TRIM54: variants seen among roughly 807,000 people sequenced by gnomAD.
TRIM54 encodes the protein tripartite motif containing 54, also known as tripartite motif-containing protein 54.
A neutral mutation model predicts 42.0 loss-of-function variants in TRIM54; 40 were observed. The observed-to-expected ratio is 0.95, with a 90% CI of 0.74 to 1.24. The LOEUF (loss-of-function observed/expected upper bound fraction) is 1.24, where lower values mean the gene tolerates loss of function less well. TRIM54 is among the 50% of genes most tolerant of loss of function. TRIM54 has a pLI of 0.00. For missense variants in TRIM54, 485 were observed against 480.3 expected, an observed-to-expected ratio of 1.01 and a Z score of -0.09; for synonymous variants, 199 against 194.9, an observed-to-expected ratio of 1.02 and a Z score of -0.17.
chr2:27,306,244 G>A lies in TRIM54; in HGVS notation c.898G>A (p.Gly300Arg). ...GGCCATGTCGAAGGTGGAGCTGGCA[G>A]GGCGGCCGGAGCCAGGCTATGAGAG... is the stretch of plus-strand genomic sequence containing the variant. ...VGAMSKVELAGRPEPGYESME... is the reference protein window; with the variant it reads ...VGAMSKVELARRPEPGYESME... Residue 300 changes from glycine (G) to arginine (R), a missense_variant, in exon 7 of 9, where the codon GGG becomes AGG. Physicochemically the swap from Gly to Arg is moderately radical, Grantham distance 125. Transcript: ENST00000380075. This position sits in a 1 kb window ranked among gnomAD's most constrained non-coding sequence, Gnocchi z 6.1. 1 of 1,614,118 alleles carries A rather than the reference G, an allele frequency of 6.2e-7. No homozygotes were observed. The highest frequency in any genetic ancestry group is 1.1e-5 in the South Asian group (1 of 91,088).
chr2:27,305,926 C>A, intron 5 of TRIM54, 109 bp downstream of exon 5: 1 of 1,366,136 alleles, frequency 7.3e-7, no homozygotes, highest in Non-Finnish European at 1.0e-6. Flanking sequence ...GCCCCTACGA[C>A]CTTGGGCAAG....
intron 4 of TRIM54, 73 bp downstream of exon 4, chr2:27,305,127 C>T (rs1679158355): frequency 4.4e-6 from 6 of 1,352,650 alleles, no homozygotes; most frequent in African/African-American, 1.4e-5. Context: ...AAGAGAACTG[C>T]TCCTCTCTGA....
chr2:27,302,311 C>T (rs1210454887), intron 3 of TRIM54, among the ~76,000 whole-genome samples: 2 of 147,800 alleles, frequency 1.4e-5, no homozygotes, highest in Non-Finnish European at 1.5e-5. Flanking sequence ...CTTAGCCGGG[C>T]GTGGTGGCAG....
At chr2:27,300,630 A>G (rs955155190) in intron 3 of TRIM54, among the ~76,000 whole-genome samples, 2 of 152,204 alleles carry the variant, frequency 1.3e-5, no homozygotes, top group South Asian at 4.1e-4. Flanking sequence ...AATACTTTAG[A>G]AGAGCGAGGC....
intron 1 of TRIM54, among the ~76,000 whole-genome samples, chr2:27,284,620 A>G (rs536048913): frequency 6.6e-6 from 1 of 151,514 alleles, no homozygotes; most frequent in East Asian, 2.0e-4. Flanking sequence ...TGCTTTGCCC[A>G]CCATCTTGGT....
chr2:27,306,845 C>T lies in TRIM54; in HGVS notation c.*2-42C>T. On this transcript the variant is annotated intron_variant, in intron 8 of 8. Transcript: ENST00000380075. The surrounding 1 kb of genome is among the most constrained non-coding windows in gnomAD (Gnocchi z 6.1). ...GAGCGGGGCTCGAGCTGCCTCGTGCCTTCGCAGCACCCGCCCACCGAGCCT... is the reference window on the plus strand; with the variant it reads ...GAGCGGGGCTCGAGCTGCCTCGTGCTTTCGCAGCACCCGCCCACCGAGCCT... 2 of 467,992 alleles carry T rather than the reference C, an allele frequency of 4.3e-6. No homozygotes were observed. The highest frequency in any genetic ancestry group is 3.8e-6 in the Non-Finnish European group (1 of 262,884). 29.0% of individuals were successfully genotyped at this position (467,992 alleles called of 1,614,324 possible). A position where few individuals can be genotyped will look rare whatever the true frequency, so the allele number is the denominator to read the frequency against.
At chr2:27,303,961 C>G (rs1240575436) in intron 3 of TRIM54, among the ~76,000 whole-genome samples, 2 of 152,110 alleles carry the variant, frequency 1.3e-5, no homozygotes, top group East Asian at 3.9e-4. Context: ...GCCGGTAATC[C>G]CGACACTTTG....
intron 1 of TRIM54, among the ~76,000 whole-genome samples, chr2:27,284,057 C>CA (rs1266081680): frequency 2.6e-5 from 4 of 152,084 alleles, no homozygotes; most frequent in African/African-American, 9.7e-5. Flanking sequence ...CACTTGAACC[C>CA]AGGAGGTGGA....
At chr2:27,301,316 T>G (rs1434763303) in intron 3 of TRIM54, among the ~76,000 whole-genome samples, 1 of 152,070 alleles carries the variant, frequency 6.6e-6, no homozygotes, top group Non-Finnish European at 1.5e-5. Context: ...ATTTTTGTAT[T>G]TTTAATAGAG....
At chr2:27,283,561 A>G (rs761556656) in intron 1 of TRIM54, among the ~76,000 whole-genome samples, 5 of 152,128 alleles carry the variant, frequency 3.3e-5, no homozygotes, top group Non-Finnish European at 7.3e-5. Context: ...TCAGAAGTCC[A>G]GCCAGTTTTG....
chr2:27,282,767 G>A lies in TRIM54; in HGVS notation c.36G>A (p.Gly12=). Residue 12 remains glycine, a synonymous_variant, in exon 1 of 9, where the codon GGG becomes GGA. Transcript: ENST00000380075. The part of the protein sequence containing the change: ...NFTVGFKPLL[G]DAHSMDNLEK... ...CAGTGGGTTTCAAGCCGCTGCTAGG[G>A]GATGCACACAGCATGGACAACCTGG... The A allele has an allele frequency of 3.1e-6, 5 of 1,613,400 alleles. No individual in the cohort carries two copies. Among genetic ancestry groups the A allele is most frequent in the Non-Finnish European group, 4.2e-6 (5 of 1,179,692 alleles).
chr2:27,304,906 G>A (rs766578055), intron 3 of TRIM54, 53 bp from the exon 4 acceptor site: 293 of 1,547,944 alleles, frequency 1.9e-4, no homozygotes, highest in Non-Finnish European at 2.2e-4. Context: ...GGGGTGAGGG[G>A]TGTAGCTCTA....
intron 3 of TRIM54, chr2:27,299,658 G>A (rs1678972596): frequency 1.4e-6 from 1 of 711,600 alleles, no homozygotes; most frequent in African/African-American, 1.8e-5. Context: ...TTATAGATGT[G>A]AGCCACCGCA....
intron 3 of TRIM54, among the ~76,000 whole-genome samples, chr2:27,301,473 T>A (rs1345741867): frequency 2.0e-5 from 3 of 152,178 alleles, no homozygotes; most frequent in Admixed American, 2.0e-4. Context: ...TTCTTGATGA[T>A]ATGCTAAACA....
chr2:27,303,183 A>G (rs1001307502), intron 3 of TRIM54, among the ~76,000 whole-genome samples: 2 of 152,194 alleles, frequency 1.3e-5, no homozygotes, highest in African/African-American at 2.4e-5. Context: ...GCAGAGGACC[A>G]GTGCTGGCAA....
chr2:27,290,613 C>T (rs895566049), intron 1 of TRIM54, among the ~76,000 whole-genome samples: 4 of 151,926 alleles, frequency 2.6e-5, no homozygotes, highest in African/African-American at 7.3e-5. Context: ...GCCACTGCAT[C>T]CTAGCCTGGG....
At chr2:27,289,926 C>T (rs537770633) in intron 1 of TRIM54, among the ~76,000 whole-genome samples, 1 of 127,546 alleles carries the variant, frequency 7.8e-6, no homozygotes, top group African/African-American at 3.1e-5. Flanking sequence ...GGCTGGAGTG[C>T]GGTGGCTTGA....
chr2:27,290,627 C>T (rs1257637419), intron 1 of TRIM54, among the ~76,000 whole-genome samples: 2 of 152,174 alleles, frequency 1.3e-5, no homozygotes, highest in Admixed American at 6.5e-5. Context: ...GCCTGGGTGA[C>T]AGAGCAAGAC....
At chr2:27,294,309 C>T (rs533535985) in intron 1 of TRIM54, among the ~76,000 whole-genome samples, 21 of 151,958 alleles carry the variant, frequency 1.4e-4, no homozygotes, top group African/African-American at 4.1e-4. Flanking sequence ...TTTGTAGAGA[C>T]GTGGTTTCAC....
Sources: allele counts gnomAD v4.1 joint callset (sites outside exome capture counted in the v4.1 genomes callset), GRCh38; gene constraint gnomAD v4.1.1; non-coding constraint Gnocchi (gnomAD v3.1); transcripts MANE v1.5; gene names NCBI Gene and HGNC (gene_info 2026-07-23, HGNC 2026-07-21).